The following USH1C variants were observed in gnomAD, a reference collection of about 807,000 sequenced individuals.
USH1C encodes harmonin.
Under a neutral mutation model 119.3 loss-of-function variants are expected in USH1C, and 90 were observed. The ratio of observed to expected loss-of-function variants is 0.75; its 90% CI spans 0.64 to 0.90. USH1C has a LOEUF of 0.90. Among genes scored for constraint, USH1C ranks in the 40% least tolerant of loss-of-function variants. The pLI is 0.00. For synonymous variants in USH1C, 465 were observed against 443.3 expected (o/e 1.05, Z -0.62); for missense variants, 1,165 against 1,167.7 (o/e 1.00, Z 0.03).
chr11:17,509,551 A>T lies in USH1C; in HGVS notation c.1818T>A (p.Pro606=). ...VQRTPPPIPI[P]PPPSVPTQDL... Reference sequence around the variant, plus strand: ...CTTGGGTGGGAACGGATGGCGGGGGAGGGATGGGAATGGGGGGTGGAGTGC... The same window carrying T: ...CTTGGGTGGGAACGGATGGCGGGGGTGGGATGGGAATGGGGGGTGGAGTGC... The change falls in exon 18 of 27, where the codon CCT becomes CCA. Residue 606 remains proline, a synonymous_variant. Transcript: ENST00000005226. The T allele has an allele frequency of 2.9e-6, 2 of 690,066 alleles. No individual in the cohort carries two copies. Among genetic ancestry groups the T allele is most frequent in the Non-Finnish European group, 4.0e-6 (2 of 495,704 alleles). 42.7% of individuals were successfully genotyped at this position (690,066 alleles called of 1,614,324 possible). A position where few individuals can be genotyped will look rare whatever the true frequency, so the allele number is the denominator to read the frequency against.
chr11:17,509,794 C>T lies in USH1C; in HGVS notation c.1575G>A (p.Leu525=), dbSNP rs1849803034. The change falls in exon 18 of 27, where the codon CTG becomes CTA. Residue 525 remains leucine, a synonymous_variant. Coordinates refer to ENST00000005226, the MANE Select transcript of USH1C (RefSeq NM_153676.4). Reference sequence around the variant, plus strand: ...CTGCGAAGCGTCTCAAGGGTGGGGCCAGGGGAGACACAGAAGGCGGGGGAG... The same window carrying T: ...CTGCGAAGCGTCTCAAGGGTGGGGCTAGGGGAGACACAGAAGGCGGGGGAG... ...PPPPPPSVSP[L]APPLRRFAGG... 6 of 1,584,250 alleles carry T rather than the reference C, an allele frequency of 3.8e-6. No individual in the cohort carries two copies. In the East Asian group the frequency reaches 1.4e-4, roughly 36 times the overall value.
rs144689125 is a variant in USH1C, at chr11:17,520,739, C to T, written c.1210+131G>A. Reference sequence around the variant, plus strand: ...GGGGCAGATGGTCTCTGACCCACAGCTGCCCCTCCATGAAGGAACCACAGC... The same window carrying T: ...GGGGCAGATGGTCTCTGACCCACAGTTGCCCCTCCATGAAGGAACCACAGC... On this transcript the variant is annotated intron_variant, in intron 14 of 26. Coordinates refer to ENST00000005226, the MANE Select transcript of USH1C (RefSeq NM_153676.4). 449 of 1,112,850 alleles carry T rather than the reference C, an allele frequency of 4.0e-4. 1 individual carries two copies. Among genetic ancestry groups the T allele is most frequent in the Admixed American group, 8.5e-4 (50 of 58,810 alleles). 68.9% of individuals were successfully genotyped at this position (1,112,850 alleles called of 1,614,324 possible).
chr11:17,527,508 G>T (rs1450591716), intron 4 of USH1C, among the ~76,000 whole-genome samples, 177 bp from the exon 5 acceptor site: 1 of 152,012 alleles, frequency 6.6e-6, no homozygotes, highest in Non-Finnish European at 1.5e-5. Context: ...GGGATCCCAG[G>T]TTCAGGTGGC....
intron 4 of USH1C, among the ~76,000 whole-genome samples, chr11:17,527,945 G>A (rs779894458): frequency 5.9e-5 from 9 of 152,170 alleles, no homozygotes; most frequent in Non-Finnish European, 1.3e-4. Flanking sequence ...TATTTTGGGA[G>A]CAAGCAAAGA....
At chr11:17,543,629 G>A (rs1407863181) in intron 1 of USH1C, among the ~76,000 whole-genome samples, 1 of 152,124 alleles carries the variant, frequency 6.6e-6, no homozygotes, top group Non-Finnish European at 1.5e-5. Flanking sequence ...CCCCTCACTG[G>A]GACACACCAG....
At chr11:17,513,629 G>A (rs754044318) in intron 15 of USH1C, among the ~76,000 whole-genome samples, 11 of 152,136 alleles carry the variant, frequency 7.2e-5, no homozygotes, top group Admixed American at 6.5e-4. Flanking sequence ...CTGCTTCAGA[G>A]TCCTGCTTGG....
At chr11:17,536,951 G>A (rs759748997) in intron 1 of USH1C, among the ~76,000 whole-genome samples, 1 of 152,210 alleles carries the variant, frequency 6.6e-6, no homozygotes, top group Admixed American at 6.5e-5. Flanking sequence ...ATCCTGCAAA[G>A]GGAGGGATCA....
rs1423315124 is a variant in USH1C, at chr11:17,505,938, T to C, written c.2025A>G (p.Pro675=). Residue 675 remains proline, a synonymous_variant, in exon 19 of 27, where the codon CCA becomes CCG. Coordinates refer to ENST00000005226, the MANE Select transcript of USH1C (RefSeq NM_153676.4). ...CAGGGCCTCGTGGAGGCTGTGGGCT[T>C]GGGCAAAATGTCTAAGGAGTTAGTT... ...SFPPTPKTFC[P]SPQPPRGPGV... The C allele has an allele frequency of 6.2e-6, 10 of 1,614,058 alleles. No individual in the cohort carries two copies. Among genetic ancestry groups the C allele is most frequent in the Non-Finnish European group, 7.6e-6 (9 of 1,180,026 alleles).
intron 1 of USH1C, among the ~76,000 whole-genome samples, chr11:17,535,179 T>C (rs1851186130): frequency 6.6e-6 from 1 of 152,220 alleles, no homozygotes. Flanking sequence ...CAGTAGTTTC[T>C]TGTACCCCAA....
intron 1 of USH1C, among the ~76,000 whole-genome samples, chr11:17,536,725 G>A (rs1592035158): frequency 6.6e-6 from 1 of 152,234 alleles, no homozygotes; most frequent in African/African-American, 2.4e-5. Context: ...GTGGGACTCA[G>A]CTGCAGTGGA....
chr11:17,496,569 C>T (rs543027154), intron 25 of USH1C, among the ~76,000 whole-genome samples, 189 bp downstream of exon 25: 2 of 152,356 alleles, frequency 1.3e-5, no homozygotes, highest in East Asian at 3.9e-4. Flanking sequence ...CGGGAGGCAG[C>T]TCAGACACTG....
rs1849190473 is a variant in USH1C, at chr11:17,494,882, A to T, written c.2656-506T>A. The stretch of plus-strand genomic sequence containing the variant: ...GCACATCCCTATCACAGGGTGAGAA[A>T]CACATCCTACAGCTGGGTTCCACGG... On this transcript the variant is annotated intron_variant, in intron 26 of 26. Coordinates refer to ENST00000005226, the MANE Select transcript of USH1C (RefSeq NM_153676.4). The T allele has an allele frequency of 2.0e-5, 5 of 243,914 alleles. No individual in the cohort carries two copies. In the South Asian group the frequency reaches 3.1e-4, roughly 15 times the overall value. 15.1% of individuals were successfully genotyped at this position (243,914 alleles called of 1,614,324 possible).
chr11:17,531,124 C>T lies in USH1C; in HGVS notation c.387+30G>A, dbSNP rs1565063591. 1 of 1,613,628 alleles carries T rather than the reference C, an allele frequency of 6.2e-7. No homozygotes were observed. Among genetic ancestry groups the T allele is most frequent in the East Asian group, 2.2e-5 (1 of 44,884 alleles). ...GGAGGCAGGAGGTCCGAGGCCCTCG[C>T]TCCCCCTCCCCCGGACTCTGTTTGC... On this transcript the variant is annotated intron_variant, in intron 4 of 26. Transcript: ENST00000005226. This position sits in a 1 kb window ranked among gnomAD's most constrained non-coding sequence, Gnocchi z 4.2.
chr11:17,508,301 G>A (rs1010073120), intron 18 of USH1C, among the ~76,000 whole-genome samples: 23 of 152,186 alleles, frequency 1.5e-4, no homozygotes, highest in African/African-American at 5.6e-4. Flanking sequence ...AGAGTCTCCC[G>A]CTGGAAGCTT....
Position 17,501,107 on chromosome 11 carries a change from G to T in USH1C, c.2324C>A (p.Pro775His). Residue 775 changes from proline (P) to histidine (H), a missense_variant, in exon 23 of 27, where the codon CCC (proline) becomes CAC (histidine). Physicochemically the swap from Pro to His is moderately conservative, Grantham distance 77. Transcript: ENST00000005226. ...DLALEGGVDS[P>H]IGKVVVSAVY... Reference sequence around the variant, plus strand: ...AGCAGAAACGACCACCTTCCCAATGGGGGAGTCCACACCGCCTTCCAGGGC... The same window carrying T: ...AGCAGAAACGACCACCTTCCCAATGTGGGAGTCCACACCGCCTTCCAGGGC... 6.2e-7 allele frequency: 1 copy of T among 1,614,050 alleles called. No homozygotes were observed. The highest frequency in any genetic ancestry group is 8.5e-7 in the Non-Finnish European group (1 of 1,180,006).
At chr11:17,506,085 C>G (rs1208896691) in intron 18 of USH1C, 136 bp from the exon 19 acceptor site, 1 of 1,310,538 alleles carries the variant, frequency 7.6e-7, no homozygotes, top group African/African-American at 1.5e-5. Context: ...TGCTCGAGGT[C>G]CTGGGGTTGT....
At chr11:17,507,189 C>T (rs1211159207) in intron 18 of USH1C, among the ~76,000 whole-genome samples, 1 of 152,168 alleles carries the variant, frequency 6.6e-6, no homozygotes, top group Non-Finnish European at 1.5e-5. Context: ...TTGCCAGGGG[C>T]ATGCAGGGAG....
chr11:17,500,712 T>C (rs1475261890), intron 23 of USH1C, among the ~76,000 whole-genome samples: 1 of 152,124 alleles, frequency 6.6e-6, no homozygotes, highest in African/African-American at 2.4e-5. Flanking sequence ...TAGAGGCCCC[T>C]CAGGGTTCCC....
Position 17,495,682 on chromosome 11 carries a change from A to G in USH1C, c.2547-5T>C. 1 of 1,614,040 alleles carries G rather than the reference A, an allele frequency of 6.2e-7. No homozygotes were observed. Among genetic ancestry groups the G allele is most frequent in the Non-Finnish European group, 8.5e-7 (1 of 1,179,950 alleles). On this transcript the variant is annotated splice_polypyrimidine_tract_variant and splice_region_variant and intron_variant, in intron 25 of 26. Coordinates refer to ENST00000005226, the MANE Select transcript of USH1C (RefSeq NM_153676.4). ...ACGGAGGAGGGAAGAGAAGCTCTAT[A>G]TATACAGAGCAGAGCAAGAAACACA...
Sources: gnomAD v4.1 joint callset for allele counts (sites outside exome capture counted in the v4.1 genomes callset) on GRCh38, gnomAD v4.1.1 for gene constraint, Gnocchi (gnomAD v3.1) non-coding constraint, MANE v1.5 for transcripts, NCBI Gene and HGNC (gene_info 2026-07-23, HGNC 2026-07-21) for gene names.